NAV3: variants seen among roughly 807,000 people sequenced by gnomAD.
The protein encoded by NAV3 is pore membrane and/or filament interacting like protein 1.
A neutral mutation model predicts 244.7 loss-of-function variants in NAV3; 87 were observed. That is an observed-to-expected ratio of 0.36 (90% CI 0.30 to 0.42). The LOEUF (loss-of-function observed/expected upper bound fraction) is 0.42. Ranked by LOEUF, NAV3 falls within the 20% of genes least tolerant of loss-of-function variation. The pLI is 1.00. For synonymous variants in NAV3, 1,126 were observed against 1,042.2 expected (o/e 1.08, Z -1.55); for missense variants, 2,663 against 2,893.3 (o/e 0.92, Z 1.83).
chr12:77,746,596 C>G (rs1868556833), intron 2 of NAV3, among the ~76,000 whole-genome samples: 2 of 151,940 alleles, frequency 1.3e-5, no homozygotes, highest in African/African-American at 4.8e-5. Flanking sequence ...AAATGTCATT[C>G]TATTTGGAGG....
intron 2 of NAV3, among the ~76,000 whole-genome samples, chr12:77,715,167 G>A (rs898460794): frequency 1.3e-5 from 2 of 151,888 alleles, no homozygotes; most frequent in African/African-American, 4.8e-5. Flanking sequence ...AATCCATACA[G>A]CAAAGAAGAA....
chr12:78,105,684 T>C (rs1302101940), intron 12 of NAV3, among the ~76,000 whole-genome samples: 1 of 152,056 alleles, frequency 6.6e-6, no homozygotes, highest in Non-Finnish European at 1.5e-5. Flanking sequence ...CTGCATTTTA[T>C]CTTTTTTCTT....
At chr12:77,748,704 G>A (rs149995405) in intron 2 of NAV3, among the ~76,000 whole-genome samples, 131 of 152,252 alleles carry the variant, frequency 8.6e-4, no homozygotes, top group African/African-American at 3.0e-3. Flanking sequence ...TAAAGAGTAG[G>A]ATAGTGGTTA....
chr12:77,898,975 A>C lies in NAV3; in HGVS notation c.244-41344A>C, dbSNP rs188307854. The stretch of plus-strand genomic sequence containing the variant: ...GATGACTTGAAGGGGCTCATGACCC[A>C]CCATGGGAAGTAACTGCTGATGTGG... On this transcript the variant is annotated intron_variant, in intron 1 of 39. Transcript: ENST00000397909. Among the ~76,000 whole-genome samples, 272 of 152,336 alleles carry C rather than the reference A, an allele frequency of 1.8e-3. 3 individuals carry two copies. The highest frequency in any genetic ancestry group is 6.3e-3 in the African/African-American group (262 of 41,580).
chr12:77,857,286 T>C (rs1447317570), intron 1 of NAV3, among the ~76,000 whole-genome samples: 1 of 152,062 alleles, frequency 6.6e-6, no homozygotes, highest in Non-Finnish European at 1.5e-5. Context: ...GACATGGCTT[T>C]TCAGTGCCTG....
intron 2 of NAV3, among the ~76,000 whole-genome samples, chr12:77,643,013 A>G (rs910441538): frequency 3.3e-5 from 5 of 151,942 alleles, no homozygotes; most frequent in Non-Finnish European, 7.4e-5. Context: ...TTCTATATCC[A>G]TTAAGTTTCA....
chr12:77,629,355 AG>A (rs1394661292), intron 2 of NAV3, among the ~76,000 whole-genome samples: 1 of 152,260 alleles, frequency 6.6e-6, no homozygotes, highest in Non-Finnish European at 1.5e-5. Flanking sequence ...CAAACAGAGC[AG>A]AAAATAATGT....
rs1175015126 is a variant in NAV3, at chr12:78,175,422, A to C, written c.5098A>C (p.Asn1700His). The C allele has an allele frequency of 6.8e-6, 11 of 1,609,442 alleles. No homozygotes were observed. Among genetic ancestry groups the C allele is most frequent in the Non-Finnish European group, 9.3e-6 (11 of 1,177,688 alleles). The part of the protein sequence containing the change: ...DADSKKKKKK[N>H]WVNSRGSELR... ...CGACTCCAAGAAGAAGAAAAAGAAA[A>C]ACTGGGTAAGTTACCATCCTTCATC... Residue 1700 changes from asparagine (N) to histidine (H), a missense_variant, in exon 25 of 40, where the codon AAC (asparagine) becomes CAC (histidine). This residue lies in a region of NAV3 where 193 missense variants were observed against 200.7 expected (regional missense o/e 0.96). Transcript: ENST00000397909.
At chr12:78,191,840 T>C (rs1272592170) in intron 34 of NAV3, among the ~76,000 whole-genome samples, 1 of 152,158 alleles carries the variant, frequency 6.6e-6, no homozygotes, top group African/African-American at 2.4e-5. Context: ...TCAATGTTTG[T>C]TTTTTCCTCA....
intron 1 of NAV3, among the ~76,000 whole-genome samples, chr12:77,873,744 G>GTGTGTGTGTATA (rs776225440): frequency 2.3e-4 from 17 of 73,188 alleles, no homozygotes; most frequent in East Asian, 1.4e-3. Context: ...ATGTGTGTGT[G>GTGTGTGTGTATA]TATATATATA....
intron 18 of NAV3, chr12:78,130,281 A>G: frequency 1.2e-5 from 2 of 168,268 alleles, no homozygotes; most frequent in East Asian, 1.7e-4. Context: ...CCATGAACAC[A>G]GGTGAATGAA....
At chr12:77,713,299 C>A (rs73410468) in intron 2 of NAV3, among the ~76,000 whole-genome samples, 3,799 of 152,208 alleles carry the variant, frequency 0.025, 88 homozygotes, top group African/African-American at 0.06. Flanking sequence ...ATACCGTTTT[C>A]TTCAGTGGCT....
At chr12:78,015,423 A>G (rs1876025035) in intron 8 of NAV3, among the ~76,000 whole-genome samples, 1 of 152,092 alleles carries the variant, frequency 6.6e-6, no homozygotes, top group Non-Finnish European at 1.5e-5. Context: ...ATTGATGGCT[A>G]GGCATTTTAC....
intron 9 of NAV3, chr12:78,036,993 C>T (rs1420837644): frequency 4.3e-6 from 3 of 702,808 alleles, no homozygotes; most frequent in East Asian, 2.7e-5. Context: ...ACCCACGGTG[C>T]GCATTTCCAA....
chr12:78,049,563 G>A (rs1247629694), intron 9 of NAV3, among the ~76,000 whole-genome samples: 3 of 152,162 alleles, frequency 2.0e-5, no homozygotes, highest in Admixed American at 2.0e-4. Context: ...GTCACTGTGA[G>A]ATGAGCCTGG....
intron 2 of NAV3, among the ~76,000 whole-genome samples, chr12:77,688,782 C>T (rs759743181): frequency 2.6e-4 from 39 of 151,752 alleles, no homozygotes; most frequent in African/African-American, 8.0e-4. Context: ...CTCTAAAAAA[C>T]GAGAAATTCA....
chr12:77,612,546 C>T (rs1870961751), intron 2 of NAV3, among the ~76,000 whole-genome samples: 1 of 152,042 alleles, frequency 6.6e-6, no homozygotes, highest in African/African-American at 2.4e-5. Context: ...CATTGCTTTC[C>T]CCATATAATT....
At chr12:78,095,192 T>G (rs1954186572) in intron 12 of NAV3, among the ~76,000 whole-genome samples, 1 of 151,886 alleles carries the variant, frequency 6.6e-6, no homozygotes, top group Non-Finnish European at 1.5e-5. Flanking sequence ...TGCATTTACT[T>G]TGTCAGTATA....
intron 22 of NAV3, among the ~76,000 whole-genome samples, chr12:78,150,631 T>TCA (rs34534100): frequency 0.031 from 4,422 of 144,184 alleles, 92 homozygotes; most frequent in East Asian, 0.054. Flanking sequence ...AAAAGCTTCC[T>TCA]CACACACACA....
Sources: allele counts gnomAD v4.1 joint callset (sites outside exome capture counted in the v4.1 genomes callset), GRCh38; gene constraint gnomAD v4.1.1; regional missense constraint gnomAD v4.1.1; transcripts MANE v1.5; gene names NCBI Gene and HGNC (gene_info 2026-07-23, HGNC 2026-07-21).